Variants in GRID2 observed in about 807,000 individuals in gnomAD.
GRID2 encodes glutamate receptor ionotropic, delta-2.
A neutral mutation model predicts 114.8 loss-of-function variants in GRID2; 33 were observed. The ratio of observed to expected loss-of-function variants is 0.29; its 90% confidence interval spans 0.22 to 0.38. GRID2 has a LOEUF of 0.38. Ranked by LOEUF, GRID2 falls within the 10% of genes least tolerant of loss-of-function variation. The probability of loss-of-function intolerance (pLI) is 1.00; values close to 1 mark genes in which losing one functional copy is unlikely to be tolerated. For synonymous variants in GRID2, 505 were observed against 449.9 expected (o/e 1.12, Z -1.55); for missense variants, 1,184 against 1,257.7 (o/e 0.94, Z 0.89).
chr4:92,382,355 G>C (rs1579271627), intron 1 of GRID2, among the ~76,000 whole-genome samples: 1 of 152,080 alleles, frequency 6.6e-6, no homozygotes, highest in East Asian at 1.9e-4. Context: ...TTCAGTATGG[G>C]AGGAGGAAAG....
intron 2 of GRID2, among the ~76,000 whole-genome samples, chr4:92,796,657 T>A (rs1457511488): frequency 1.3e-5 from 2 of 151,954 alleles, no homozygotes; most frequent in Non-Finnish European, 2.9e-5. Flanking sequence ...GGCAGATATC[T>A]TTTCTTCTTA....
At chr4:93,423,560 G>A (rs1277217820) in intron 10 of GRID2, among the ~76,000 whole-genome samples, 7 of 151,388 alleles carry the variant, frequency 4.6e-5, no homozygotes, top group African/African-American at 1.7e-4. Context: ...TGTTAGCCAG[G>A]ATGGACTATT....
intron 1 of GRID2, among the ~76,000 whole-genome samples, chr4:92,527,253 T>C (rs987396121): frequency 5.9e-5 from 9 of 152,144 alleles, no homozygotes; most frequent in African/African-American, 1.9e-4. Flanking sequence ...TAAATGATTC[T>C]GATTACATTA....
intron 2 of GRID2, among the ~76,000 whole-genome samples, chr4:92,734,071 T>G (rs115571855): frequency 0.026 from 3,957 of 152,194 alleles, 61 homozygotes; most frequent in Non-Finnish European, 0.038. Flanking sequence ...TTGTTTTGAT[T>G]TTTTTCAAAG....
At chr4:92,415,642 C>A (rs1369557053) in intron 1 of GRID2, among the ~76,000 whole-genome samples, 4 of 150,256 alleles carry the variant, frequency 2.7e-5, no homozygotes, top group African/African-American at 9.8e-5. Flanking sequence ...GCAAATGTCA[C>A]TATTTCATTC....
chr4:92,761,920 G>GT (rs1360047378), intron 2 of GRID2, among the ~76,000 whole-genome samples: 2 of 152,062 alleles, frequency 1.3e-5, no homozygotes, highest in Non-Finnish European at 2.9e-5. Flanking sequence ...GTGTTAAGTT[G>GT]TTTTTTATTT....
intron 1 of GRID2, among the ~76,000 whole-genome samples, chr4:92,388,758 T>C (rs13122638): frequency 0.33 from 49,719 of 151,836 alleles, 9,243 homozygotes; most frequent in East Asian, 0.7. Flanking sequence ...TGTGTATATA[T>C]ATGAAATAGA....
At chr4:93,625,086 G>A (rs1742578107) in intron 13 of GRID2, among the ~76,000 whole-genome samples, 1 of 152,186 alleles carries the variant, frequency 6.6e-6, no homozygotes, top group African/African-American at 2.4e-5. Context: ...CATCAGCAGG[G>A]CAGCATTGTC....
chr4:93,447,219 C>T (rs1377517609), intron 10 of GRID2, among the ~76,000 whole-genome samples: 1 of 151,814 alleles, frequency 6.6e-6, no homozygotes, highest in Non-Finnish European at 1.5e-5. Flanking sequence ...TAAAACTTTG[C>T]TTACAGAAAC....
intron 2 of GRID2, among the ~76,000 whole-genome samples, chr4:93,033,895 C>A (rs764007652): frequency 3.3e-5 from 5 of 152,076 alleles, no homozygotes; most frequent in Non-Finnish European, 5.9e-5. Flanking sequence ...CAGTTTGGGG[C>A]CTATGTGCCT....
chr4:92,476,781 G>T (rs1223076290), intron 1 of GRID2, among the ~76,000 whole-genome samples: 2 of 152,102 alleles, frequency 1.3e-5, no homozygotes, highest in African/African-American at 4.8e-5. Flanking sequence ...ATCACAACAT[G>T]TAGTCAAATA....
chr4:92,737,592 T>C (rs1736659234), intron 2 of GRID2, among the ~76,000 whole-genome samples: 1 of 152,140 alleles, frequency 6.6e-6, no homozygotes, highest in Non-Finnish European at 1.5e-5. Context: ...TTATATCACC[T>C]TCTATTTACC....
chr4:93,024,918 A>G (rs1266971727), intron 2 of GRID2, among the ~76,000 whole-genome samples: 2 of 151,780 alleles, frequency 1.3e-5, no homozygotes, highest in Admixed American at 6.6e-5. Flanking sequence ...AAAAGAGAAG[A>G]CCAGCTGTTT....
chr4:93,797,027 G>A (rs968809188), intron 1 of GRID2, among the ~76,000 whole-genome samples: 1 of 152,296 alleles, frequency 6.6e-6, no homozygotes, highest in African/African-American at 2.4e-5. Flanking sequence ...CCTACGATGT[G>A]AGGTATAGCC....
intron 8 of GRID2, among the ~76,000 whole-genome samples, chr4:93,359,206 C>T (rs1314763103): frequency 1.3e-5 from 2 of 152,002 alleles, no homozygotes; most frequent in East Asian, 1.9e-4. Context: ...CCTCACATGT[C>T]GTCAGGGGTC....
chr4:92,755,088 T>A (rs1239021559), intron 2 of GRID2, among the ~76,000 whole-genome samples: 1 of 152,144 alleles, frequency 6.6e-6, no homozygotes, highest in Non-Finnish European at 1.5e-5. Flanking sequence ...GTCCATGAGC[T>A]GCAGGCAGAG....
chr4:93,695,234 T>A (rs1726918551), intron 14 of GRID2, among the ~76,000 whole-genome samples: 1 of 152,044 alleles, frequency 6.6e-6, no homozygotes, highest in Non-Finnish European at 1.5e-5. Flanking sequence ...TGGAAAGACT[T>A]TGTCGTATTT....
Position 93,450,408 on chromosome 4 carries a change from T to C in GRID2, c.1546-5254T>C, listed in dbSNP as rs144952987. 5.8e-3 allele frequency among the ~76,000 whole-genome samples: 885 copies of C among 152,026 alleles called. 6 individuals are homozygous for C. The highest frequency in any genetic ancestry group is 0.02 in the African/African-American group (834 of 41,550). On this transcript the variant is annotated intron_variant, in intron 10 of 15. Transcript: ENST00000282020. ...CTTGGTGTAATGTTAAAATAATGCA[T>C]GTAAAACACATGATACTTGGTATAT...
chr4:93,021,892 A>G (rs1391814455), intron 2 of GRID2, among the ~76,000 whole-genome samples: 1 of 149,338 alleles, frequency 6.7e-6, no homozygotes, highest in Non-Finnish European at 1.5e-5. Flanking sequence ...AAAATTTTTA[A>G]AAACCAAAGC....
Sources: gnomAD v4.1 joint callset for allele counts (sites outside exome capture counted in the v4.1 genomes callset) on GRCh38, gnomAD v4.1.1 for gene constraint, MANE v1.5 for transcripts, NCBI Gene and HGNC (gene_info 2026-07-23, HGNC 2026-07-21) for gene names.